The following CACNA2D1 variants were observed in gnomAD, a reference collection of about 807,000 sequenced individuals.
CACNA2D1 encodes calcium voltage-gated channel auxiliary subunit alpha2delta 1.
In CACNA2D1, 53 loss-of-function variants were observed where a neutral mutation model predicts 171.5. The observed-to-expected ratio is 0.31, with a 90% confidence interval of 0.25 to 0.39. The LOEUF (loss-of-function observed/expected upper bound fraction) is 0.39, where lower values mean the gene tolerates loss of function less well. CACNA2D1 is among the 10% of genes least tolerant of loss of function. CACNA2D1 has a pLI of 1.00. For synonymous variants in CACNA2D1, 442 were observed against 443.1 expected, an observed-to-expected ratio of 1.00 and a Z score of 0.03; for missense variants, 903 against 1,299.8, an observed-to-expected ratio of 0.69 and a Z score of 4.69.
At chr7:82,201,650 G>A (rs1799448558) in intron 3 of CACNA2D1, among the ~76,000 whole-genome samples, 1 of 152,148 alleles carries the variant, frequency 6.6e-6, no homozygotes, top group Non-Finnish European at 1.5e-5. Flanking sequence ...ACCCTCAGCT[G>A]AACAGAGGCT....
intron 4 of CACNA2D1, among the ~76,000 whole-genome samples, chr7:82,166,150 C>A (rs949068378): frequency 6.6e-6 from 1 of 151,982 alleles, no homozygotes. Flanking sequence ...ATTAGTTTAA[C>A]TCGCATAAAC....
At chr7:82,125,264 T>C (rs368067175) in intron 5 of CACNA2D1, among the ~76,000 whole-genome samples, 1 of 152,334 alleles carries the variant, frequency 6.6e-6, no homozygotes, top group East Asian at 1.9e-4. Context: ...AGGTTGAACT[T>C]ACTTCATTTG....
chr7:82,179,218 TC>T (rs1287811466), intron 3 of CACNA2D1, among the ~76,000 whole-genome samples: 3 of 152,026 alleles, frequency 2.0e-5, no homozygotes, highest in African/African-American at 4.8e-5. Flanking sequence ...AATTTTAGAT[TC>T]TAAAATTCTA....
At chr7:82,418,970 C>T (rs1385522549) in intron 1 of CACNA2D1, among the ~76,000 whole-genome samples, 5 of 151,954 alleles carry the variant, frequency 3.3e-5, no homozygotes, top group Admixed American at 6.6e-5. Context: ...ATTAGCTGGG[C>T]GCGGTGGCGG....
chr7:82,309,647 G>T (rs1814177225), intron 3 of CACNA2D1, among the ~76,000 whole-genome samples: 1 of 152,112 alleles, frequency 6.6e-6, no homozygotes, highest in South Asian at 2.1e-4. Flanking sequence ...CTTTATGTGA[G>T]CTTCTATCTT....
At chr7:82,294,217 T>G (rs1456180791) in intron 3 of CACNA2D1, among the ~76,000 whole-genome samples, 1 of 152,172 alleles carries the variant, frequency 6.6e-6, no homozygotes, top group Non-Finnish European at 1.5e-5. Flanking sequence ...AGTCAAGATA[T>G]TCTTATTTCT....
intron 3 of CACNA2D1, among the ~76,000 whole-genome samples, chr7:82,324,544 C>G (rs1816411767): frequency 6.6e-6 from 1 of 152,084 alleles, no homozygotes; most frequent in Non-Finnish European, 1.5e-5. Context: ...GTCGTAAACA[C>G]AGCACTTAGT....
chr7:82,310,472 C>A (rs73376121), intron 3 of CACNA2D1, among the ~76,000 whole-genome samples: 10,200 of 151,736 alleles, frequency 0.067, 468 homozygotes, highest in African/African-American at 0.13. Context: ...AAATTTTATG[C>A]GGTTAAATGG....
intron 3 of CACNA2D1, among the ~76,000 whole-genome samples, chr7:82,205,276 C>A (rs564394623): frequency 6.6e-6 from 1 of 152,116 alleles, no homozygotes; most frequent in East Asian, 1.9e-4. Flanking sequence ...ATATGTAACA[C>A]ATAATTATTA....
At chr7:82,396,797 A>G (rs528663331) in intron 1 of CACNA2D1, among the ~76,000 whole-genome samples, 1 of 152,348 alleles carries the variant, frequency 6.6e-6, no homozygotes, top group African/African-American at 2.4e-5. Flanking sequence ...CACATTGGCA[A>G]CATAATAAGC....
At chr7:82,263,275 A>AT (rs1275455589) in intron 3 of CACNA2D1, among the ~76,000 whole-genome samples, 1 of 151,256 alleles carries the variant, frequency 6.6e-6, no homozygotes, top group Middle Eastern at 3.2e-3. Flanking sequence ...AGCCTGGCTG[A>AT]TTTTTTTGTA....
At chr7:82,274,616 C>T (rs2129357408) in intron 3 of CACNA2D1, among the ~76,000 whole-genome samples, 1 of 152,224 alleles carries the variant, frequency 6.6e-6, no homozygotes, top group South Asian at 2.1e-4. Context: ...CTGAGTCAAT[C>T]ACTGTTAGAT....
intron 1 of CACNA2D1, among the ~76,000 whole-genome samples, chr7:82,440,677 C>T (rs1417900975): frequency 6.6e-6 from 1 of 151,734 alleles, no homozygotes; most frequent in Non-Finnish European, 1.5e-5. Flanking sequence ...AGGTTAACTA[C>T]TACTTTAATC....
chr7:82,393,280 T>C (rs1306949034), intron 1 of CACNA2D1, among the ~76,000 whole-genome samples: 2 of 152,178 alleles, frequency 1.3e-5, no homozygotes, highest in Non-Finnish European at 2.9e-5. Context: ...ATGAATTTCA[T>C]CTTGCAATAG....
chr7:82,135,500 C>T (rs999471085), intron 5 of CACNA2D1, among the ~76,000 whole-genome samples: 2 of 152,054 alleles, frequency 1.3e-5, no homozygotes, highest in Non-Finnish European at 2.9e-5. Context: ...TTAAAACACT[C>T]TTAGCTCTTC....
chr7:82,363,586 T>G (rs1821339638), intron 1 of CACNA2D1, among the ~76,000 whole-genome samples: 2 of 152,064 alleles, frequency 1.3e-5, no homozygotes, highest in Non-Finnish European at 2.9e-5. Context: ...ATCCTTAGAT[T>G]TAACTAGAAT....
chr7:82,348,290 A>T (rs1416298960), intron 2 of CACNA2D1, among the ~76,000 whole-genome samples: 1 of 152,178 alleles, frequency 6.6e-6, no homozygotes. Flanking sequence ...TCATATTCTA[A>T]TATAGTTTCC....
chr7:81,989,075 T>C (rs936516056), intron 21 of CACNA2D1, among the ~76,000 whole-genome samples: 2 of 152,162 alleles, frequency 1.3e-5, no homozygotes, highest in Admixed American at 1.3e-4. Flanking sequence ...GGAATGAGCA[T>C]GTGACTGTTT....
intron 3 of CACNA2D1, among the ~76,000 whole-genome samples, chr7:82,226,940 C>T (rs1158225207): frequency 6.6e-6 from 1 of 152,000 alleles, no homozygotes; most frequent in Non-Finnish European, 1.5e-5. Context: ...ATATAAAATA[C>T]AGAAAAATAT....
Sources: allele counts gnomAD v4.1 joint callset (sites outside exome capture counted in the v4.1 genomes callset), GRCh38; gene constraint gnomAD v4.1.1; transcripts MANE v1.5; gene names NCBI Gene and HGNC (gene_info 2026-07-23, HGNC 2026-07-21).